HOXD3: variants seen among roughly 807,000 people sequenced by gnomAD.
HOXD3 encodes homeobox D3.
Under a neutral mutation model 32.8 loss-of-function variants are expected in HOXD3, and 13 were observed. That is an observed-to-expected ratio of 0.40 (90% CI 0.26 to 0.63). The LOEUF (loss-of-function observed/expected upper bound fraction) is 0.63, where lower values mean the gene tolerates loss of function less well. Among genes scored for constraint, HOXD3 ranks in the 20% least tolerant of loss-of-function variants. The pLI, the probability that HOXD3 is intolerant of heterozygous loss-of-function variation, is 0.44. For missense variants in HOXD3, 504 were observed against 577.1 expected (o/e 0.87, Z 1.30); for synonymous variants, 241 against 246.8 (o/e 0.98, Z 0.22).
At chr2:176,158,878 A>T (rs1574977486) in intron 1 of HOXD3, among the ~76,000 whole-genome samples, 1 of 141,742 alleles carries the variant, frequency 7.1e-6, no homozygotes, top group Non-Finnish European at 1.5e-5. Flanking sequence ...CCAGAGAGGA[A>T]CCCACAAAAA....
At chr2:176,165,060 G>C (rs182183041) in intron 2 of HOXD3, 4 of 152,386 alleles carry the variant, frequency 2.6e-5, no homozygotes, top group African/African-American at 7.2e-5. Flanking sequence ...CCTGCTGCTC[G>C]CAGGGTGCAA....
intron 3 of HOXD3, among the ~76,000 whole-genome samples, chr2:176,170,719 T>C (rs533691663): frequency 6.6e-6 from 1 of 152,194 alleles, no homozygotes; most frequent in African/African-American, 2.4e-5. Flanking sequence ...CTTCCTCAGC[T>C]GCAGGCTCAG....
In HOXD3 at chr2:176,169,237, C is replaced by T. The variant is rs201012462; in HGVS notation, c.123C>T (p.Tyr41=). 2.4e-4 allele frequency: 387 copies of T among 1,614,088 alleles called. 1 individual carries two copies. The highest frequency in any genetic ancestry group is 2.4e-3 in the East Asian group (107 of 44,868). ...GCTACAGCAAAACTACGGACACTTACGGCTACAGCACCCCCCACCAGCCCT... is the reference window on the plus strand; with the variant it reads ...GCTACAGCAAAACTACGGACACTTATGGCTACAGCACCCCCCACCAGCCCT... ...GYGYSKTTDT[Y]GYSTPHQPYP... is the part of the protein sequence containing the mutation. Residue 41 remains tyrosine, a synonymous_variant, in exon 3 of 4, where the codon TAC becomes TAT. Transcript: ENST00000683222.
chr2:176,171,390 C>G (rs759212333), intron 3 of HOXD3, 127 bp from the exon 4 acceptor site: 23 of 902,002 alleles, frequency 2.5e-5, no homozygotes, highest in Non-Finnish European at 3.7e-5. Context: ...ACGGCCCTTC[C>G]CCTCCCCAGC....
chr2:176,169,705 C>T (rs1215924583), intron 3 of HOXD3, 50 bp downstream of exon 3: 37 of 1,523,360 alleles, frequency 2.4e-5, no homozygotes, highest in Non-Finnish European at 3.3e-5. Flanking sequence ...TCCAGATTGA[C>T]CCAAGGAAGC....
intron 1 of HOXD3, among the ~76,000 whole-genome samples, chr2:176,161,315 C>A (rs532779092): frequency 9.9e-5 from 15 of 152,160 alleles, no homozygotes; most frequent in Admixed American, 3.9e-4. Flanking sequence ...TAGGAGGACA[C>A]TACCTTGCCA....
In HOXD3 at chr2:176,171,830, G is replaced by C; in HGVS notation, c.855G>C (p.Gln285His). The C allele has an allele frequency of 1.2e-6, 2 of 1,607,738 alleles. No homozygotes were observed. The highest frequency in any genetic ancestry group is 2.7e-5 in the African/African-American group (2 of 74,874). Residue 285 changes from glutamine (Q) to histidine (H), a missense_variant, in exon 4 of 4, where the codon CAG becomes CAC. Physicochemically the swap from Gln to His is conservative, Grantham distance 24 (BLOSUM62 0). This residue lies in a region of HOXD3 where 226 missense variants were observed against 246.9 expected (regional missense o/e 0.92). Coordinates refer to ENST00000683222, the MANE Select transcript of HOXD3 (RefSeq NM_006898.5). ...GAAGHVAYSGQLPPVPGLAYD... is the reference protein window; with the variant it reads ...GAAGHVAYSGHLPPVPGLAYD... ...CTGGCCACGTGGCCTACTCCGGCCAGCTGCCGCCAGTGCCCGGCCTGGCCT... is the reference window on the plus strand; with the variant it reads ...CTGGCCACGTGGCCTACTCCGGCCACCTGCCGCCAGTGCCCGGCCTGGCCT...
chr2:176,156,637 T>C (rs1163330636), upstream of HOXD3, among the ~76,000 whole-genome samples: 1 of 152,126 alleles, frequency 6.6e-6, no homozygotes, highest in Non-Finnish European at 1.5e-5. Flanking sequence ...CTCCAGCACC[T>C]GCCCCTCCTT....
chr2:176,157,806 A>C (rs886458853), intron 1 of HOXD3, among the ~76,000 whole-genome samples: 3 of 152,048 alleles, frequency 2.0e-5, no homozygotes, highest in Non-Finnish European at 2.9e-5. Context: ...CTCCAAGACA[A>C]CAGGAGTTGT....
intron 1 of HOXD3, chr2:176,160,741 G>C (rs1690774064): frequency 6.6e-6 from 1 of 152,240 alleles, no homozygotes. Flanking sequence ...GGCCTGGGAG[G>C]GCTGGGCAGA....
intron 1 of HOXD3, among the ~76,000 whole-genome samples, chr2:176,163,218 A>G (rs1690861144): frequency 6.6e-6 from 1 of 152,222 alleles, no homozygotes. Context: ...TTTAGTCTTT[A>G]GAAGCGCCGG....
chr2:176,172,589 G>A lies in HOXD3; in HGVS notation c.*315G>A. On this transcript the variant is annotated 3_prime_UTR_variant, in exon 4 of 4. Coordinates refer to ENST00000683222, the MANE Select transcript of HOXD3 (RefSeq NM_006898.5). ...GGTAAGTCTGAGACCCATCAGCGGC[G>A]CGCCCTGCAGAGGGACCAGAGCTTG... 3.0e-6 allele frequency: 1 copy of A among 337,374 alleles called. No individual in the cohort carries two copies. Among genetic ancestry groups the A allele is most frequent in the East Asian group, 4.8e-5 (1 of 20,654 alleles). 20.9% of individuals were successfully genotyped at this position (337,374 alleles called of 1,614,324 possible).
In HOXD3 at chr2:176,171,707, C is replaced by T. The variant is rs780644616; in HGVS notation, c.732C>T (p.Asn244=). Residue 244 remains asparagine, a synonymous_variant, in exon 4 of 4, where the codon AAC becomes AAT. Transcript: ENST00000683222. ...GCCAGATCAAGATCTGGTTCCAGAA[C>T]CGGCGCATGAAGTACAAGAAGGACC... ...TERQIKIWFQ[N]RRMKYKKDQK... The T allele has an allele frequency of 6.2e-7, 1 of 1,614,148 alleles. No individual in the cohort carries two copies. The highest frequency in any genetic ancestry group is 1.1e-5 in the South Asian group (1 of 91,082).
At chr2:176,155,502 G>C (rs1690624597), upstream of HOXD3, among the ~76,000 whole-genome samples, 1 of 152,184 alleles carries the variant, frequency 6.6e-6, no homozygotes, top group Non-Finnish European at 1.5e-5. Context: ...TTCTCAGCTT[G>C]GAGGGATTCT....
At chr2:176,163,924 T>G (rs1454102090) in intron 1 of HOXD3, 149 bp from the exon 2 acceptor site, 1 of 152,192 alleles carries the variant, frequency 6.6e-6, no homozygotes, top group Non-Finnish European at 1.5e-5. Context: ...GTCTGTGTTT[T>G]GCCGGGGAGA....
intron 1 of HOXD3, among the ~76,000 whole-genome samples, chr2:176,159,623 G>A (rs1480781647): frequency 2.0e-5 from 3 of 152,170 alleles, no homozygotes; most frequent in Non-Finnish European, 2.9e-5. Context: ...CAGGAGGTCC[G>A]CTGCTGGCGC....
At position 176,171,896 on chromosome 2, in the gene HOXD3, C is replaced by T. The variant is rs1691201182; in HGVS notation, c.921C>T (p.Pro307=). The T allele has an allele frequency of 1.2e-6, 2 of 1,607,974 alleles. No homozygotes were observed. The highest frequency in any genetic ancestry group is 1.3e-5 in the African/African-American group (1 of 74,798). Residue 307 remains proline (P), a synonymous_variant, in exon 4 of 4, where the codon CCC becomes CCT. Coordinates refer to ENST00000683222, the MANE Select transcript of HOXD3 (RefSeq NM_006898.5). Reference sequence around the variant, plus strand: ...CGCCTGCTTTCGCCAAATCACAGCCCAATATGTACGGCCTGGCCGCCTACA... The same window carrying T: ...CGCCTGCTTTCGCCAAATCACAGCCTAATATGTACGGCCTGGCCGCCTACA... ...PSPPAFAKSQ[P]NMYGLAAYTA...
At chr2:176,167,975 A>C (rs1280243962) in intron 2 of HOXD3, among the ~76,000 whole-genome samples, 1 of 152,180 alleles carries the variant, frequency 6.6e-6, no homozygotes, top group Non-Finnish European at 1.5e-5. Flanking sequence ...TCCACACAGA[A>C]GAAAGGCTAA....
chr2:176,168,271 A>AAC lies in HOXD3; in HGVS notation c.-84-759_-84-758insCA, dbSNP rs1553522183. On this transcript the variant is annotated intron_variant, in intron 2 of 3. Coordinates refer to ENST00000683222, the MANE Select transcript of HOXD3 (RefSeq NM_006898.5). ...AAGACCCTGTCTCTACAAAAAAAAA[A>AAC]AAAAAAAAACTAAGAGCTGGCGCAG... Among the ~76,000 whole-genome samples the AAC allele has an allele frequency of 2.4e-4, 36 of 151,250 alleles. No individual in the cohort carries two copies. The East Asian group carries it at 6.6e-3, about 28-fold the overall frequency.
Sources: allele counts gnomAD v4.1 joint callset (sites outside exome capture counted in the v4.1 genomes callset), GRCh38; gene constraint gnomAD v4.1.1; regional missense constraint gnomAD v4.1.1; transcripts MANE v1.5; gene names NCBI Gene and HGNC (gene_info 2026-07-23, HGNC 2026-07-21).